The following CNTN5 variants were observed in gnomAD, a reference collection of about 807,000 sequenced individuals.
The protein encoded by CNTN5 is contactin 5, also known as contactin-5.
Under a neutral mutation model 129.1 loss-of-function variants are expected in CNTN5, and 77 were observed. That is an observed-to-expected ratio of 0.60 (90% CI 0.50 to 0.72). The LOEUF (loss-of-function observed/expected upper bound fraction) is 0.72. Among genes scored for constraint, CNTN5 ranks in the 30% least tolerant of loss-of-function variants. The probability of loss-of-function intolerance (pLI) is 0.00; values close to 1 mark genes in which losing one functional copy is unlikely to be tolerated. For missense variants in CNTN5, 1,478 were observed against 1,328.8 expected (o/e 1.11, Z -1.75); for synonymous variants, 509 against 465.6 (o/e 1.09, Z -1.20).
chr11:99,323,466 G>C (rs1865654648), intron 1 of CNTN5, among the ~76,000 whole-genome samples: 1 of 152,064 alleles, frequency 6.6e-6, no homozygotes, highest in African/African-American at 2.4e-5. Context: ...TGCTATGTTA[G>C]TTCATAATGA....
At chr11:100,260,518 C>A (rs1297911122) in intron 17 of CNTN5, among the ~76,000 whole-genome samples, 3 of 152,146 alleles carry the variant, frequency 2.0e-5, no homozygotes, top group Admixed American at 1.3e-4. Context: ...GCCAATATCC[C>A]TGGTGAATAT....
At chr11:100,280,900 T>C (rs1161635494) in intron 18 of CNTN5, among the ~76,000 whole-genome samples, 1 of 152,128 alleles carries the variant, frequency 6.6e-6, no homozygotes, top group Non-Finnish European at 1.5e-5. Context: ...TATAACCAAT[T>C]ATTTTAAGCC....
At chr11:99,826,572 A>G (rs1946965389) in intron 4 of CNTN5, among the ~76,000 whole-genome samples, 1 of 152,214 alleles carries the variant, frequency 6.6e-6, no homozygotes, top group African/African-American at 2.4e-5. Context: ...AAATTGAGGA[A>G]GTGATACTGG....
At chr11:99,101,815 C>T (rs1360155982) in intron 1 of CNTN5, among the ~76,000 whole-genome samples, 1 of 152,158 alleles carries the variant, frequency 6.6e-6, no homozygotes, top group East Asian at 1.9e-4. Flanking sequence ...GTTGGTGGAT[C>T]TACCTTTCTG....
chr11:99,452,900 T>C (rs1475736409), intron 2 of CNTN5, among the ~76,000 whole-genome samples: 2 of 152,214 alleles, frequency 1.3e-5, no homozygotes, highest in African/African-American at 4.8e-5. Flanking sequence ...TCTCATCTAA[T>C]TCATAAAACA....
At chr11:99,591,978 C>A (rs1949995152) in intron 3 of CNTN5, among the ~76,000 whole-genome samples, 1 of 152,026 alleles carries the variant, frequency 6.6e-6, no homozygotes, top group Non-Finnish European at 1.5e-5. Context: ...GGAAAGAAAA[C>A]AAGGGCAATT....
At chr11:99,309,318 T>C (rs891749750) in intron 1 of CNTN5, among the ~76,000 whole-genome samples, 8 of 152,158 alleles carry the variant, frequency 5.3e-5, no homozygotes, top group African/African-American at 1.9e-4. Flanking sequence ...TGTTTCACTT[T>C]GTTCTGGTAG....
chr11:99,314,064 TG>T (rs1437391880), intron 1 of CNTN5, among the ~76,000 whole-genome samples: 1 of 152,002 alleles, frequency 6.6e-6, no homozygotes, highest in Non-Finnish European at 1.5e-5. Context: ...AAAGGTGACA[TG>T]TGAAGCTGTT....
chr11:99,853,903 CAGT>C (rs1947953251), intron 6 of CNTN5, among the ~76,000 whole-genome samples: 1 of 152,086 alleles, frequency 6.6e-6, no homozygotes, highest in Non-Finnish European at 1.5e-5. Context: ...AGTAATAAAA[CAGT>C]AGCTCCAAAT....
intron 1 of CNTN5, among the ~76,000 whole-genome samples, chr11:99,169,717 G>A (rs1322196923): frequency 6.6e-6 from 1 of 152,104 alleles, no homozygotes; most frequent in Non-Finnish European, 1.5e-5. Context: ...GGGTTTACAT[G>A]CAAATGATTA....
intron 3 of CNTN5, among the ~76,000 whole-genome samples, chr11:99,640,011 T>G (rs1485309228): frequency 6.6e-6 from 1 of 152,178 alleles, no homozygotes. Context: ...AAGATTCACC[T>G]CTGCTTCAGC....
intron 1 of CNTN5, among the ~76,000 whole-genome samples, chr11:99,037,983 TTTAA>T (rs748524860): frequency 3.3e-4 from 50 of 152,168 alleles, no homozygotes; most frequent in Non-Finnish European, 5.7e-4. Context: ...GGGGTATTTA[TTTAA>T]TTAATTTTTT....
chr11:99,772,369 T>A (rs1255709861), intron 3 of CNTN5, among the ~76,000 whole-genome samples: 1 of 152,102 alleles, frequency 6.6e-6, no homozygotes. Flanking sequence ...TTGTTTTATT[T>A]TCTAGAGGAA....
chr11:99,098,173 A>C (rs920860512), intron 1 of CNTN5, among the ~76,000 whole-genome samples: 1 of 152,098 alleles, frequency 6.6e-6, no homozygotes, highest in Non-Finnish European at 1.5e-5. Flanking sequence ...CATGGCTTCA[A>C]TAATCTCAAA....
At chr11:100,091,469 C>G (rs969235948) in intron 13 of CNTN5, among the ~76,000 whole-genome samples, 1 of 137,016 alleles carries the variant, frequency 7.3e-6, no homozygotes, top group Admixed American at 7.9e-5. Context: ...CACCCTTTTG[C>G]CCAGGCTAGA....
intron 2 of CNTN5, among the ~76,000 whole-genome samples, chr11:99,377,259 T>C (rs914417372): frequency 6.6e-6 from 1 of 152,130 alleles, no homozygotes; most frequent in Admixed American, 6.6e-5. Context: ...AATAGTATTA[T>C]AGTATCTTTA....
chr11:99,934,515 G>A (rs184617049), intron 7 of CNTN5, among the ~76,000 whole-genome samples: 9 of 151,924 alleles, frequency 5.9e-5, no homozygotes, highest in Admixed American at 2.0e-4. Context: ...TAAATTATTC[G>A]TATCCCCCAC....
At chr11:99,808,258 G>A (rs1946330550) in intron 3 of CNTN5, among the ~76,000 whole-genome samples, 1 of 151,948 alleles carries the variant, frequency 6.6e-6, no homozygotes, top group African/African-American at 2.4e-5. Context: ...GATGATGAGA[G>A]TGACATATTA....
chr11:99,631,753 A>G (rs1197286942), intron 3 of CNTN5, among the ~76,000 whole-genome samples: 1 of 151,970 alleles, frequency 6.6e-6, no homozygotes, highest in Non-Finnish European at 1.5e-5. Context: ...GAGAAGTTAA[A>G]TGATTTGTAT....
Sources: allele counts gnomAD v4.1 joint callset (sites outside exome capture counted in the v4.1 genomes callset), GRCh38; gene constraint gnomAD v4.1.1; transcripts MANE v1.5; gene names NCBI Gene and HGNC (gene_info 2026-07-23, HGNC 2026-07-21).